The following PRKCI variants were observed in gnomAD, a reference collection of about 807,000 sequenced individuals.
The protein encoded by PRKCI is protein kinase C iota type.
PRKCI carries 43 observed loss-of-function variants against 84.0 expected under a neutral mutation model. That is an observed-to-expected ratio of 0.51 (90% CI 0.40 to 0.66). The LOEUF (loss-of-function observed/expected upper bound fraction) is 0.66, where lower values mean the gene tolerates loss of function less well. Among genes scored for constraint, PRKCI ranks in the 30% least tolerant of loss-of-function variants. PRKCI has a pLI of 0.00. For missense variants in PRKCI, 459 were observed against 745.6 expected (o/e 0.62, Z 4.48); for synonymous variants, 216 against 234.4 (o/e 0.92, Z 0.72).
At chr3:170,279,157 A>G (rs1734186903) in intron 8 of PRKCI, among the ~76,000 whole-genome samples, 1 of 152,126 alleles carries the variant, frequency 6.6e-6, no homozygotes, top group Admixed American at 6.5e-5. Context: ...CCTCCCAGGT[A>G]GCTGGGACTA....
rs184434230 is a variant in PRKCI at position 170,298,862 on chromosome 3, T to C, written c.1588-133T>C. The C allele has an allele frequency of 1.2e-3, 715 of 621,716 alleles. 8 individuals are homozygous for C. In the African/African-American group the frequency reaches 0.012, roughly 11 times the overall value. The allele number at this position is 621,716 out of a possible 1,614,324, so 38.5% of individuals were successfully genotyped here. ...AGCTCATATTTGTAAATTATGTTCA[T>C]CATTGCTAATATCATTGAACCATGC... On this transcript the variant is annotated intron_variant, in intron 16 of 17. Coordinates refer to ENST00000295797, the MANE Select transcript of PRKCI (RefSeq NM_002740.6).
At chr3:170,278,189 CTCTA>C (rs1371335935) in intron 8 of PRKCI, among the ~76,000 whole-genome samples, 7 of 152,170 alleles carry the variant, frequency 4.6e-5, no homozygotes, top group Non-Finnish European at 1.5e-5. Flanking sequence ...GTGAAGTTAA[CTCTA>C]TCTTTTTTGC....
chr3:170,222,615 C>A lies in PRKCI; in HGVS notation c.-55C>A. 1 of 1,465,954 alleles carries A rather than the reference C, an allele frequency of 6.8e-7. No homozygotes were observed. The highest frequency in any genetic ancestry group is 9.1e-7 in the Non-Finnish European group (1 of 1,093,728). 90.8% of individuals were successfully genotyped at this position (1,465,954 alleles called of 1,614,324 possible). A position where few individuals can be genotyped will look rare whatever the true frequency, so the allele number is the denominator to read the frequency against. On this transcript the variant is annotated 5_prime_UTR_variant, in exon 1 of 18. Transcript: ENST00000295797. ...CAGGCGGCGGAGTCCCCCACGGCGC[C>A]CGAAGCGCCCCCCCGCACCCCCGGC...
chr3:170,292,397 C>A (rs1387220333), intron 13 of PRKCI, among the ~76,000 whole-genome samples: 2 of 152,020 alleles, frequency 1.3e-5, no homozygotes, highest in South Asian at 2.1e-4. Flanking sequence ...GGATATTTGC[C>A]CCAGGAATCT....
chr3:170,271,912 C>A (rs1242356538), intron 6 of PRKCI, among the ~76,000 whole-genome samples: 2 of 152,188 alleles, frequency 1.3e-5, no homozygotes, highest in Admixed American at 6.5e-5. Flanking sequence ...TGGCTCACTG[C>A]AACCTCCACC....
Position 170,263,117 on chromosome 3 carries a change from C to T in PRKCI, c.314-262C>T, listed in dbSNP as rs545182899. On this transcript the variant is annotated intron_variant, in intron 3 of 17. Transcript: ENST00000295797. ...CCGGGAGGCGGAGCTTGCAGTGAGT[C>T]GAGATCGCGCCACTGCACTCCAGCC... Among the ~76,000 whole-genome samples, 19 of 149,856 alleles carry T rather than the reference C, an allele frequency of 1.3e-4. No individual in the cohort carries two copies. In the East Asian group the frequency reaches 3.4e-3, roughly 26 times the overall value.
intron 17 of PRKCI, among the ~76,000 whole-genome samples, chr3:170,301,640 T>C (rs919216753): frequency 1.3e-5 from 2 of 152,216 alleles, no homozygotes; most frequent in African/African-American, 4.8e-5. Flanking sequence ...AGTCTTTGTC[T>C]GTGTTTTCAT....
Position 170,281,978 on chromosome 3 carries a change from T to C in PRKCI, c.1067+10T>C, listed in dbSNP as rs759834024. ...CTGAAGAACATGCCAGGTGAGTTTT[T>C]GTTTACTGTTTGTGTTGTTTTCTTT... is the stretch of plus-strand genomic sequence containing the variant. On this transcript the variant is annotated intron_variant, in intron 11 of 17. Coordinates refer to ENST00000295797, the MANE Select transcript of PRKCI (RefSeq NM_002740.6). 8.1e-6 allele frequency: 13 copies of C among 1,610,170 alleles called. No individual in the cohort carries two copies. The highest frequency in any genetic ancestry group is 9.3e-6 in the Non-Finnish European group (11 of 1,178,326).
intron 2 of PRKCI, among the ~76,000 whole-genome samples, chr3:170,241,886 G>A (rs1482461500): frequency 6.6e-6 from 1 of 152,144 alleles, no homozygotes; most frequent in African/African-American, 2.4e-5. Flanking sequence ...TCAGCACTTG[G>A]GGAGGCTGAG....
At chr3:170,232,152 G>A (rs539695122) in intron 1 of PRKCI, among the ~76,000 whole-genome samples, 1 of 151,866 alleles carries the variant, frequency 6.6e-6, no homozygotes, top group Non-Finnish European at 1.5e-5. Context: ...CCAGGCTCAC[G>A]CAGTCCTCCT....
chr3:170,277,807 A>G lies in PRKCI; in HGVS notation c.706-2420A>G, dbSNP rs534686519. Among the ~76,000 whole-genome samples the G allele has an allele frequency of 9.8e-4, 148 of 151,684 alleles. 1 individual carries two copies. Among genetic ancestry groups the G allele is most frequent in the African/African-American group, 3.1e-3 (129 of 41,410 alleles). On this transcript the variant is annotated intron_variant, in intron 8 of 17. Coordinates refer to ENST00000295797, the MANE Select transcript of PRKCI (RefSeq NM_002740.6). ...TTTTCCATTCCTGCCTTTGGGTGTTATTATTATCAGAGTTTAAAATTCTGT... is the reference window on the plus strand; with the variant it reads ...TTTTCCATTCCTGCCTTTGGGTGTTGTTATTATCAGAGTTTAAAATTCTGT...
At chr3:170,250,484 T>TC (rs1368178889) in intron 2 of PRKCI, among the ~76,000 whole-genome samples, 3 of 120,986 alleles carry the variant, frequency 2.5e-5, no homozygotes, top group South Asian at 2.9e-4. Context: ...GCTACTTGTT[T>TC]CCCCCCTACC....
chr3:170,287,288 A>T (rs537160898), intron 12 of PRKCI, among the ~76,000 whole-genome samples: 9 of 151,822 alleles, frequency 5.9e-5, no homozygotes, highest in Non-Finnish European at 1.2e-4. Flanking sequence ...GCGCCACTGC[A>T]CTCCAGTCTG....
At chr3:170,259,907 T>C in intron 2 of PRKCI, 62 bp from the exon 3 acceptor site, 1 of 885,520 alleles carries the variant, frequency 1.1e-6, no homozygotes, top group Non-Finnish European at 1.7e-6. Flanking sequence ...ATGAAATTTG[T>C]TTAGTAATCA....
In PRKCI at chr3:170,280,396, A is replaced by G. The variant is rs1329248941; in HGVS notation, c.875A>G (p.Asp292Gly). Residue 292 changes from aspartate (D) to glycine (G), a missense_variant, in exon 9 of 18, where the codon GAT becomes GGT. Asp to Gly is a moderately conservative substitution (Grantham distance 94, BLOSUM62 -1). Transcript: ENST00000295797. ...GTTGTGAAAAAAGAGCTTGTTAATG[A>G]TGATGAGGTAAGCACTGCATATTTT... ...MKVVKKELVN[D>G]DEDIDWVQTE... is the part of the protein sequence containing the mutation. 1.2e-6 allele frequency: 2 copies of G among 1,612,656 alleles called. No homozygotes were observed. Among genetic ancestry groups the G allele is most frequent in the Non-Finnish European group, 1.7e-6 (2 of 1,179,104 alleles).
chr3:170,275,267 C>G lies in PRKCI; in HGVS notation c.685C>G (p.Gln229Glu), dbSNP rs147104137. 4.4e-6 allele frequency: 7 copies of G among 1,581,302 alleles called. No individual in the cohort carries two copies. Among genetic ancestry groups the G allele is most frequent in the Non-Finnish European group, 6.0e-6 (7 of 1,167,378 alleles). ...TCCTTCAAGTCATGAGAGTTTGGAT[C>G]AAGTTGGTGAAGAAAAAGAGGTAAG... ...YNPSSHESLD[Q>E]VGEEKEAMNT... The change falls in exon 8 of 18, where the codon CAA becomes GAA. Residue 229 changes from glutamine to glutamate, a missense_variant. Physicochemically the swap from Gln to Glu is conservative, Grantham distance 29. Transcript: ENST00000295797.
chr3:170,246,983 GTC>G (rs1445243495), intron 2 of PRKCI, among the ~76,000 whole-genome samples: 1 of 151,978 alleles, frequency 6.6e-6, no homozygotes, highest in Non-Finnish European at 1.5e-5. Flanking sequence ...TCAGTACCCT[GTC>G]TTATAGCTTG....
chr3:170,267,331 G>T (rs956585892), intron 4 of PRKCI, among the ~76,000 whole-genome samples: 1 of 151,784 alleles, frequency 6.6e-6, no homozygotes, highest in African/African-American at 2.4e-5. Context: ...TTTTCTGTGG[G>T]ATTAAAAGAT....
intron 4 of PRKCI, among the ~76,000 whole-genome samples, chr3:170,265,506 G>T (rs1733837049): frequency 6.6e-6 from 1 of 152,136 alleles, no homozygotes; most frequent in Non-Finnish European, 1.5e-5. Flanking sequence ...ACTAATTGTG[G>T]ATATTAGGCA....
Sources: gnomAD v4.1 joint callset for allele counts (sites outside exome capture counted in the v4.1 genomes callset) on GRCh38, gnomAD v4.1.1 for gene constraint, MANE v1.5 for transcripts, NCBI Gene and HGNC (gene_info 2026-07-23, HGNC 2026-07-21) for gene names.